DOCK5: variants seen among roughly 807,000 people sequenced by gnomAD.
The protein encoded by DOCK5 is dedicator of cytokinesis 5.
A neutral mutation model predicts 251.8 loss-of-function variants in DOCK5; 142 were observed. The ratio of observed to expected loss-of-function variants is 0.56; its 90% confidence interval spans 0.49 to 0.65. DOCK5 has a LOEUF of 0.65. Ranked by LOEUF, DOCK5 falls within the 30% of genes least tolerant of loss-of-function variation. The pLI is 0.00. For synonymous variants in DOCK5, 842 were observed against 835.5 expected, an observed-to-expected ratio of 1.01 and a Z score of -0.13; for missense variants, 2,111 against 2,312.3, an observed-to-expected ratio of 0.91 and a Z score of 1.79.
At chr8:25,374,536 A>G (rs1207768189) in intron 36 of DOCK5, 28 bp from the exon 37 acceptor site, 1 of 1,585,620 alleles carries the variant, frequency 6.3e-7, no homozygotes, top group Admixed American at 1.9e-5. Flanking sequence ...TCGAGTGACA[A>G]AATGCTTCCT....
intron 37 of DOCK5, chr8:25,375,108 G>T: frequency 1.6e-6 from 1 of 639,948 alleles, no homozygotes; most frequent in Non-Finnish European, 2.0e-6. Context: ...CTAGCCCTGA[G>T]CACCTTCTCT....
In DOCK5 at chr8:25,367,304, A is replaced by G. The variant is rs140837969; in HGVS notation, c.3224+334A>G. Among the ~76,000 whole-genome samples, 199 of 152,284 alleles carry G rather than the reference A, an allele frequency of 1.3e-3. 1 individual carries two copies. The highest frequency in any genetic ancestry group is 4.5e-3 in the African/African-American group (189 of 41,562). On this transcript the variant is annotated intron_variant, in intron 31 of 51. Transcript: ENST00000276440. ...GCAGGCATAGTACCTCCTCATTCAT[A>G]GCGCTTCACAAAGCACACTCCTTCA...
At chr8:25,218,912 A>G (rs150286120) in intron 1 of DOCK5, among the ~76,000 whole-genome samples, 2 of 152,342 alleles carry the variant, frequency 1.3e-5, no homozygotes, top group East Asian at 3.9e-4. Context: ...AAATCCAAGG[A>G]GCACTAACAG....
At chr8:25,355,110 T>C (rs1236958744) in intron 27 of DOCK5, among the ~76,000 whole-genome samples, 1 of 152,196 alleles carries the variant, frequency 6.6e-6, no homozygotes, top group Admixed American at 6.5e-5. Flanking sequence ...AGCATGTGCC[T>C]GTAGCCCCAG....
rs1563220162 is a variant in DOCK5, at chr8:25,372,724, T to C, written c.3684+6T>C. 1 of 1,608,924 alleles carries C rather than the reference T, an allele frequency of 6.2e-7. No individual in the cohort carries two copies. The highest frequency in any genetic ancestry group is 8.5e-7 in the Non-Finnish European group (1 of 1,177,648). Reference sequence around the variant, plus strand: ...GCTGCACTGTGAACGTGCTGGTATGTGACATGCCTCCGGTGTGATGGGAGG... The same window carrying C: ...GCTGCACTGTGAACGTGCTGGTATGCGACATGCCTCCGGTGTGATGGGAGG... On this transcript the variant is annotated splice_donor_region_variant and intron_variant, in intron 35 of 51. Transcript: ENST00000276440.
chr8:25,217,201 T>C (rs557501667), intron 1 of DOCK5, among the ~76,000 whole-genome samples: 25 of 150,010 alleles, frequency 1.7e-4, no homozygotes, highest in African/African-American at 2.9e-4. Context: ...TATATATATA[T>C]ACACATACAC....
At chr8:25,197,910 C>A (rs892853474) in intron 1 of DOCK5, among the ~76,000 whole-genome samples, 3 of 151,888 alleles carry the variant, frequency 2.0e-5, no homozygotes, top group African/African-American at 7.3e-5. Flanking sequence ...ACCACCATGC[C>A]CGGCTAATTT....
intron 3 of DOCK5, among the ~76,000 whole-genome samples, chr8:25,273,877 C>G (rs1803977205): frequency 6.6e-6 from 1 of 152,150 alleles, no homozygotes; most frequent in African/African-American, 2.4e-5. Flanking sequence ...GTCATTGTCA[C>G]CTTGTGTCTG....
intron 40 of DOCK5, 130 bp downstream of exon 40, chr8:25,382,908 C>T: frequency 1.4e-6 from 1 of 723,342 alleles, no homozygotes; most frequent in East Asian, 2.8e-5. Flanking sequence ...GGGAGGGAAA[C>T]CACTTCCTGA....
At chr8:25,270,591 A>G (rs574288954) in intron 3 of DOCK5, among the ~76,000 whole-genome samples, 178 of 152,354 alleles carry the variant, frequency 1.2e-3, no homozygotes, top group African/African-American at 4.0e-3. Context: ...ATTCTCAAAC[A>G]AAATTATGTG....
chr8:25,221,675 A>G (rs555080286), intron 1 of DOCK5, among the ~76,000 whole-genome samples: 2 of 152,084 alleles, frequency 1.3e-5, no homozygotes, highest in Admixed American at 1.3e-4. Context: ...CCATCCCATC[A>G]TCATCATCAT....
chr8:25,213,306 C>G (rs983418614), intron 1 of DOCK5, among the ~76,000 whole-genome samples: 1 of 147,188 alleles, frequency 6.8e-6, no homozygotes, highest in African/African-American at 2.6e-5. Context: ...TCCCCACACC[C>G]AGATATTTTT....
chr8:25,281,921 C>G (rs558814946), intron 5 of DOCK5, among the ~76,000 whole-genome samples: 1 of 148,078 alleles, frequency 6.8e-6, no homozygotes, highest in Admixed American at 6.7e-5. Context: ...ATCCCCTCTT[C>G]GAGGGCAGCA....
intron 38 of DOCK5, 103 bp downstream of exon 38, chr8:25,377,527 G>C (rs1358604908): frequency 1.4e-6 from 2 of 1,389,176 alleles, no homozygotes; most frequent in Non-Finnish European, 1.9e-6. Context: ...TGACTACCCA[G>C]GTTCAGGGCA....
At chr8:25,258,820 A>G (rs1263803412) in intron 2 of DOCK5, among the ~76,000 whole-genome samples, 1 of 152,186 alleles carries the variant, frequency 6.6e-6, no homozygotes, top group African/African-American at 2.4e-5. Context: ...TGTTTTGATC[A>G]TTAAAAAAAT....
At chr8:25,401,720 C>A (rs1164363702) in intron 47 of DOCK5, among the ~76,000 whole-genome samples, 1 of 152,084 alleles carries the variant, frequency 6.6e-6, no homozygotes, top group Non-Finnish European at 1.5e-5. Flanking sequence ...GGCGACAGAG[C>A]GAGACTCTAT....
intron 42 of DOCK5, 132 bp downstream of exon 42, chr8:25,390,419 C>G (rs967767073): frequency 2.9e-5 from 21 of 724,034 alleles, no homozygotes; most frequent in Non-Finnish European, 4.4e-5. Flanking sequence ...CCAGCCTGGG[C>G]AACAAAGTGG....
chr8:25,371,122 T>C (rs990199466), intron 34 of DOCK5, among the ~76,000 whole-genome samples: 2 of 150,822 alleles, frequency 1.3e-5, no homozygotes, highest in Non-Finnish European at 2.9e-5. Flanking sequence ...GTGAGTTTTG[T>C]GGATGAGAGT....
At position 25,209,693 on chromosome 8, in the gene DOCK5, A is replaced by G. The variant is rs999369066; in HGVS notation, c.43+24742A>G. Among the ~76,000 whole-genome samples the G allele has an allele frequency of 8.7e-5, 6 of 68,962 alleles. 2 individuals are homozygous for G. The highest frequency in any genetic ancestry group is 2.3e-4 in the Non-Finnish European group (5 of 21,360). 45.2% of individuals were successfully genotyped at this position (68,962 alleles called of 152,430 possible). On this transcript the variant is annotated intron_variant, in intron 1 of 51. Transcript: ENST00000276440. Reference sequence around the variant, plus strand: ...TTAAGAAGAAGTCTTGCATGAGATGATGTCTGAACTTTTTTTGTATCTCTA... The same window carrying G: ...TTAAGAAGAAGTCTTGCATGAGATGGTGTCTGAACTTTTTTTGTATCTCTA...
Sources: gnomAD v4.1 joint callset for allele counts (sites outside exome capture counted in the v4.1 genomes callset) on GRCh38, gnomAD v4.1.1 for gene constraint, MANE v1.5 for transcripts, NCBI Gene and HGNC (gene_info 2026-07-23, HGNC 2026-07-21) for gene names.